The following PUDP variants were observed in gnomAD, a reference collection of about 807,000 sequenced individuals.
PUDP encodes the protein pseudouridine-5'-phosphatase.
PUDP carries 8 observed loss-of-function variants against 9.4 expected under a neutral mutation model. The ratio of observed to expected loss-of-function variants is 0.85; its 90% CI spans 0.50 to 1.53. The LOEUF is 1.53. PUDP is among the 40% of genes most tolerant of loss of function. The pLI, the probability that PUDP is intolerant of heterozygous loss-of-function variation, is 0.00. For synonymous variants in PUDP, 99 were observed against 80.7 expected (o/e 1.23, Z -1.22); for missense variants, 188 against 189.7 (o/e 0.99, Z 0.05).
chrX:7,100,029 C>T (rs1931684585), intron 2 of PUDP, among the ~76,000 whole-genome samples: 1 of 99,585 alleles, frequency 1.0e-5, no homozygotes, highest in Non-Finnish European at 2.0e-5. Context: ...CACCCCATCC[C>T]GTCCCCCTCC....
chrX:6,922,605 C>G (rs1450189704), intron 3 of PUDP, among the ~76,000 whole-genome samples: 4 of 111,644 alleles, frequency 3.6e-5, no homozygotes, highest in Admixed American at 9.5e-5. Flanking sequence ...CTTTCTTACT[C>G]CTTAATTTTC....
At chrX:6,817,170 A>G (rs1477197293) in intron 3 of PUDP, among the ~76,000 whole-genome samples, 1 of 108,600 alleles carries the variant, frequency 9.2e-6, no homozygotes, top group Non-Finnish European at 1.9e-5. Flanking sequence ...TCTACCTCCT[A>G]GACTCAAGCC....
intron 1 of PUDP, among the ~76,000 whole-genome samples, chrX:6,981,767 C>T (rs1277022803): frequency 1.8e-5 from 2 of 110,783 alleles, no homozygotes; most frequent in Non-Finnish European, 3.8e-5. Flanking sequence ...TTTGCCTTTC[C>T]CCAAATCGTA....
chrX:6,969,467 CTT>C (rs999943544), intron 3 of PUDP, among the ~76,000 whole-genome samples: 4 of 112,243 alleles, frequency 3.6e-5, no homozygotes, highest in African/African-American at 1.3e-4. Flanking sequence ...GAACAGATCT[CTT>C]TGCAAAAGCT....
chrX:6,861,960 GAGA>G (rs780738161), intron 3 of PUDP, among the ~76,000 whole-genome samples: 4 of 111,349 alleles, frequency 3.6e-5, no homozygotes, highest in Non-Finnish European at 5.7e-5. Context: ...GCCCTGAGCT[GAGA>G]AGAAGGAAGC....
chrX:6,751,804 A>G (rs934937991), intron 3 of PUDP, among the ~76,000 whole-genome samples: 2 of 111,378 alleles, frequency 1.8e-5, no homozygotes, highest in African/African-American at 6.5e-5. Context: ...TTTTTACAGC[A>G]GGAGGAATTT....
chrX:6,766,234 G>C (rs1230748526), intron 3 of PUDP, among the ~76,000 whole-genome samples: 1 of 111,779 alleles, frequency 8.9e-6, no homozygotes. Context: ...TAGAACAAAT[G>C]GTTTAAAGAA....
intron 3 of PUDP, among the ~76,000 whole-genome samples, chrX:6,839,640 G>A (rs981096122): frequency 8.1e-5 from 9 of 111,472 alleles, no homozygotes; most frequent in Admixed American, 5.7e-4. Context: ...TATGTCATGA[G>A]AGGAATGTAA....
intron 3 of PUDP, among the ~76,000 whole-genome samples, chrX:6,768,827 C>A (rs1259449279): frequency 9.0e-6 from 1 of 111,486 alleles, no homozygotes; most frequent in Non-Finnish European, 1.9e-5. Context: ...AAGAAGTTCA[C>A]AACAGGTAGA....
intron 1 of PUDP, among the ~76,000 whole-genome samples, chrX:7,003,582 C>T (rs1203536596): frequency 8.9e-6 from 1 of 111,994 alleles, no homozygotes; most frequent in African/African-American, 3.3e-5. Context: ...CTAAAATATA[C>T]TTTTTATGCC....
At chrX:6,741,850 CTT>C (rs760334829) in intron 3 of PUDP, among the ~76,000 whole-genome samples, 2 of 96,041 alleles carry the variant, frequency 2.1e-5, no homozygotes, top group African/African-American at 8.5e-5. Flanking sequence ...TTCTTTCTTT[CTT>C]TTTCTTTCTT....
At chrX:6,807,983 A>G (rs62590371) in intron 3 of PUDP, among the ~76,000 whole-genome samples, 9,974 of 111,697 alleles carry the variant, frequency 0.089, 391 homozygotes, top group Non-Finnish European at 0.11. Context: ...TGAGGGTACC[A>G]GTTCCATTTA....
At position 6,949,792 on chromosome X, in the gene PUDP, A is replaced by G. The variant is rs1950937641; in HGVS notation, c.*247+27341T>C. On this transcript the variant is annotated intron_variant and NMD_transcript_variant, in intron 3 of 3. Transcript: ENST00000655425. ...GAATCCGGGCACAGCTTAGCCCACT[A>G]AGTATCTTCTTCTGGATCATTCATG... Among the ~76,000 whole-genome samples the G allele has an allele frequency of 1.8e-5, 2 of 112,011 alleles. 1 individual carries two copies. Among genetic ancestry groups the G allele is most frequent in the African/African-American group, 6.5e-5 (2 of 30,807 alleles).
At chrX:7,109,456 T>C (rs1276844317) in intron 1 of PUDP, among the ~76,000 whole-genome samples, 4 of 111,601 alleles carry the variant, frequency 3.6e-5, no homozygotes, top group Non-Finnish European at 7.5e-5. Context: ...CTAAGGCGAG[T>C]GTGCGAACAG....
intron 3 of PUDP, among the ~76,000 whole-genome samples, chrX:6,869,529 T>C (rs1020454952): frequency 6.3e-5 from 7 of 111,776 alleles, no homozygotes; most frequent in Non-Finnish European, 9.4e-5. Context: ...TCTGGTTACT[T>C]GGGCTTATAC....
chrX:6,840,891 A>G (rs746083224), intron 3 of PUDP, among the ~76,000 whole-genome samples: 1 of 111,368 alleles, frequency 9.0e-6, no homozygotes, highest in Non-Finnish European at 1.9e-5. Flanking sequence ...CCTTCCTCTC[A>G]ATTTTGCTGT....
intron 3 of PUDP, among the ~76,000 whole-genome samples, chrX:6,851,520 C>T (rs1478396953): frequency 1.4e-4 from 16 of 110,400 alleles, no homozygotes; most frequent in Admixed American, 5.8e-4. Context: ...GAGAAGGGAG[C>T]GAGGAATTAG....
At chrX:6,932,536 G>A (rs986031347) in intron 3 of PUDP, among the ~76,000 whole-genome samples, 3 of 111,593 alleles carry the variant, frequency 2.7e-5, no homozygotes, top group South Asian at 3.8e-4. Context: ...AGCTCCCAGC[G>A]TGAGCGACGC....
intron 3 of PUDP, among the ~76,000 whole-genome samples, chrX:6,780,885 C>T (rs761902358): frequency 9.1e-6 from 1 of 110,393 alleles, no homozygotes; most frequent in South Asian, 4.0e-4. Context: ...GGTGAAACCT[C>T]GCCTCTACTA....
Sources: gnomAD v4.1 joint callset for allele counts (sites outside exome capture counted in the v4.1 genomes callset) on GRCh38, gnomAD v4.1.1 for gene constraint, MANE v1.5 for transcripts, NCBI Gene and HGNC (gene_info 2026-07-23, HGNC 2026-07-21) for gene names.